Variants in PRDM16 observed in about 807,000 individuals in gnomAD.
The protein encoded by PRDM16 is histone-lysine N-methyltransferase PRDM16.
A neutral mutation model predicts 110.6 loss-of-function variants in PRDM16; 23 were observed. The observed-to-expected ratio is 0.21, with a 90% CI of 0.15 to 0.29. PRDM16 has a LOEUF of 0.29. Ranked by LOEUF, PRDM16 falls within the 10% of genes least tolerant of loss-of-function variation. PRDM16 has a pLI of 1.00. For synonymous variants in PRDM16, 799 were observed against 781.8 expected, an observed-to-expected ratio of 1.02 and a Z score of -0.37; for missense variants, 1,615 against 1,794.3, an observed-to-expected ratio of 0.90 and a Z score of 1.81.
At chr1:3,336,774 ATC>A (rs1408510034) in intron 3 of PRDM16, among the ~76,000 whole-genome samples, 5 of 104,108 alleles carry the variant, frequency 4.8e-5, no homozygotes, top group African/African-American at 1.9e-4. Flanking sequence ...GTTGGTGTGA[ATC>A]TGTGTGTGAA....
Position 3,306,737 on chromosome 1 carries a change from G to A in PRDM16, c.438+62600G>A, listed in dbSNP as rs565737201. The stretch of plus-strand genomic sequence containing the variant: ...AAAACGTACAATTCAGTGGTTTTCA[G>A]CCACAGACTTGTGCAACCATCACAA... On this transcript the variant is annotated intron_variant, in intron 3 of 16. Transcript: ENST00000270722. The A allele has an allele frequency of 3.3e-5, 5 of 152,282 alleles. No homozygotes were observed. In the South Asian group the frequency reaches 1.0e-3, roughly 32 times the overall value. 9.4% of individuals were successfully genotyped at this position (152,282 alleles called of 1,614,324 possible).
intron 3 of PRDM16, chr1:3,306,662 A>G (rs567479461): frequency 6.6e-6 from 1 of 152,386 alleles, no homozygotes; most frequent in South Asian, 2.1e-4. Context: ...ATTGCATTTT[A>G]AAAACAGCTT....
chr1:3,381,551 C>T (rs1029334454), intron 3 of PRDM16, among the ~76,000 whole-genome samples: 1 of 152,070 alleles, frequency 6.6e-6, no homozygotes, highest in African/African-American at 2.4e-5. Flanking sequence ...CCACCACACC[C>T]AGCTAACTTT....
chr1:3,243,388 A>C lies in PRDM16; in HGVS notation c.388-699A>C, dbSNP rs1404815625. ...CCACCTCTGATTTGCCAAAAAAAAA[A>C]AGAGGAAGCAGAGAAATGGCATGAG... is the stretch of plus-strand genomic sequence containing the variant. On this transcript the variant is annotated intron_variant, in intron 2 of 16. Coordinates refer to ENST00000270722, the MANE Select transcript of PRDM16 (RefSeq NM_022114.4). This position sits in a 1 kb window ranked among gnomAD's most constrained non-coding sequence, Gnocchi z 5.5. 2.7e-5 allele frequency among the ~76,000 whole-genome samples: 4 copies of C among 150,442 alleles called. No individual in the cohort carries two copies. The highest frequency in any genetic ancestry group is 5.9e-5 in the Non-Finnish European group (4 of 67,770).
intron 8 of PRDM16, among the ~76,000 whole-genome samples, chr1:3,409,468 T>C (rs907525968): frequency 2.0e-5 from 3 of 152,090 alleles, no homozygotes; most frequent in Non-Finnish European, 2.9e-5. Flanking sequence ...GAGCGGTTAA[T>C]ATAAATAGAT....
chr1:3,171,861 G>A (rs544946520), intron 1 of PRDM16, among the ~76,000 whole-genome samples: 4 of 152,192 alleles, frequency 2.6e-5, no homozygotes, highest in South Asian at 2.1e-4. Flanking sequence ...ACCTCTTGTC[G>A]CCCTGCTTGG....
chr1:3,079,981 G>A (rs139660504), intron 1 of PRDM16, among the ~76,000 whole-genome samples: 28 of 152,358 alleles, frequency 1.8e-4, no homozygotes, highest in Non-Finnish European at 2.9e-4. Flanking sequence ...TGCCTCAGTA[G>A]CGCGTGCCCA....
chr1:3,122,306 G>A (rs951627619), intron 1 of PRDM16, among the ~76,000 whole-genome samples: 2 of 152,152 alleles, frequency 1.3e-5, no homozygotes, highest in Non-Finnish European at 2.9e-5. Context: ...TCCTCTGTCC[G>A]GTTGCTGCTC....
rs1557480350 is a variant in PRDM16 at position 3,143,788 on chromosome 1, T to A, written c.38-42337T>A. ...CACCGCGTCCGGCTTATTCTTTTTT[T>A]CTAAATAGTGAGGCCCAGAGTGCAG... On this transcript the variant is annotated intron_variant, in intron 1 of 16. Coordinates refer to ENST00000270722, the MANE Select transcript of PRDM16 (RefSeq NM_022114.4). This position sits in a 1 kb window ranked among gnomAD's most constrained non-coding sequence, Gnocchi z 4.5. Among the ~76,000 whole-genome samples, 1 of 152,178 alleles carries A rather than the reference T, an allele frequency of 6.6e-6. No individual in the cohort carries two copies. The highest frequency in any genetic ancestry group is 2.4e-5 in the African/African-American group (1 of 41,446).
intron 3 of PRDM16, among the ~76,000 whole-genome samples, chr1:3,379,804 G>A (rs368171714): frequency 3.6e-3 from 4 of 1,120 alleles, no homozygotes; most frequent in African/African-American, 0.012. Flanking sequence ...ACCCCTCCCA[G>A]CACACCCCTC....
At chr1:3,070,628 G>A (rs1036588961) in intron 1 of PRDM16, among the ~76,000 whole-genome samples, 94 of 149,594 alleles carry the variant, frequency 6.3e-4, no homozygotes, top group Non-Finnish European at 1.3e-3. Flanking sequence ...CTCCGGGGCC[G>A]GGTCCCTCCA....
At chr1:3,076,379 G>A (rs958855637) in intron 1 of PRDM16, among the ~76,000 whole-genome samples, 10 of 152,338 alleles carry the variant, frequency 6.6e-5, no homozygotes, top group Non-Finnish European at 1.3e-4. Context: ...GGAGATGAGG[G>A]AAGAGTTTGC....
At chr1:3,392,307 C>T (rs1021164691) in intron 4 of PRDM16, among the ~76,000 whole-genome samples, 2 of 152,134 alleles carry the variant, frequency 1.3e-5, no homozygotes, top group Non-Finnish European at 2.9e-5. Context: ...AGTAAGCACA[C>T]GGAAGGAGGG....
intron 1 of PRDM16, among the ~76,000 whole-genome samples, chr1:3,141,977 C>T (rs1449343439): frequency 6.6e-6 from 1 of 152,266 alleles, no homozygotes; most frequent in Non-Finnish European, 1.5e-5. Context: ...CATGGTGCAC[C>T]GCGTTTCCGA....
intron 3 of PRDM16, among the ~76,000 whole-genome samples, chr1:3,381,233 G>T (rs1643096325): frequency 6.6e-6 from 1 of 152,092 alleles, no homozygotes; most frequent in South Asian, 2.1e-4. Context: ...GCACCATGCA[G>T]GAACACGCCC....
At chr1:3,381,349 AG>A (rs1292134477) in intron 3 of PRDM16, among the ~76,000 whole-genome samples, 1 of 149,650 alleles carries the variant, frequency 6.7e-6, no homozygotes, top group Non-Finnish European at 1.5e-5. Context: ...TATTGGGGAG[AG>A]CCCCAAGGCC....
intron 3 of PRDM16, among the ~76,000 whole-genome samples, chr1:3,331,450 TTGAA>T (rs59248922): frequency 2.0e-5 from 3 of 151,486 alleles, no homozygotes; most frequent in Admixed American, 6.6e-5. Context: ...AGCACGTTTG[TTGAA>T]TGAATGAATG....
intron 12 of PRDM16, among the ~76,000 whole-genome samples, chr1:3,420,919 C>A (rs1638408559): frequency 6.6e-6 from 1 of 152,112 alleles, no homozygotes; most frequent in Non-Finnish European, 1.5e-5. Context: ...TGGATGCGAG[C>A]AGGGCTGCCC....
chr1:3,366,430 G>A (rs1396363858), intron 3 of PRDM16, among the ~76,000 whole-genome samples: 1 of 152,210 alleles, frequency 6.6e-6, no homozygotes, highest in Non-Finnish European at 1.5e-5. Flanking sequence ...AGTATGCCGG[G>A]ACACTCTCTT....
Sources: allele counts gnomAD v4.1 joint callset (sites outside exome capture counted in the v4.1 genomes callset), GRCh38; gene constraint gnomAD v4.1.1; non-coding constraint Gnocchi (gnomAD v3.1); transcripts MANE v1.5; gene names NCBI Gene and HGNC (gene_info 2026-07-23, HGNC 2026-07-21).